Variants in ACSL4 observed in about 807,000 individuals in gnomAD.
The protein encoded by ACSL4 is acyl-CoA synthetase long chain family member 4.
In ACSL4, 9 loss-of-function variants were observed where a neutral mutation model predicts 49.1. The ratio of observed to expected loss-of-function variants is 0.18; its 90% CI spans 0.11 to 0.32. The LOEUF (loss-of-function observed/expected upper bound fraction) is 0.32. Ranked by LOEUF, ACSL4 falls within the 10% of genes least tolerant of loss-of-function variation. ACSL4 has a pLI of 1.00. For missense variants in ACSL4, 333 were observed against 493.7 expected (o/e 0.67, Z 3.08); for synonymous variants, 191 against 170.3 (o/e 1.12, Z -0.95).
At chrX:109,665,581 G>T in intron 11 of ACSL4, 87 bp from the exon 12 acceptor site, 1 of 827,589 alleles carries the variant, frequency 1.2e-6, no homozygotes, top group Non-Finnish European at 1.8e-6. Flanking sequence ...TAGAACCAGA[G>T]TCAGAAAAAT....
chrX:109,710,941 G>A (rs1380766446), intron 1 of ACSL4, among the ~76,000 whole-genome samples: 1 of 112,168 alleles, frequency 8.9e-6, no homozygotes, highest in African/African-American at 3.2e-5. Flanking sequence ...AAACTTCTGG[G>A]CTCAAGTGAT....
At chrX:109,727,378 C>T (rs778957128) in intron 1 of ACSL4, among the ~76,000 whole-genome samples, 5 of 111,789 alleles carry the variant, frequency 4.5e-5, no homozygotes, top group South Asian at 7.4e-4. Flanking sequence ...CTCTTATTAC[C>T]GCTACAGCTC....
chrX:109,678,346 C>A lies in ACSL4; in HGVS notation c.725G>T (p.Gly242Val). ...AIVMYTSGST[G>V]RPKGVMMHHS... The stretch of plus-strand genomic sequence containing the variant: ...ATGCATCATCACTCCCTTAGGTCGG[C>A]CAGTAGAACCACTAGTATACATAAC... Residue 242 changes from glycine (G) to valine (V), a missense_variant, in exon 7 of 16, where the codon GGC (glycine) becomes GTC (valine). Transcript: ENST00000672401. 1 of 1,211,512 alleles carries A rather than the reference C, an allele frequency of 8.3e-7. No individual in the cohort carries two copies. The highest frequency in any genetic ancestry group is 1.1e-6 in the Non-Finnish European group (1 of 895,379).
Position 109,642,002 on chromosome X carries a change from T to TG in ACSL4, c.*2026dup, listed in dbSNP as rs1438734809. ...TTTTAGATGGAAAATCAAGGGGTAG[T>TG]GGCATCTCCCTGGTCCCTTAACAAT... On this transcript the variant is annotated 3_prime_UTR_variant, in exon 16 of 16. Transcript: ENST00000672401. 8.9e-6 allele frequency: 1 copy of TG among 112,060 alleles called. No individual in the cohort carries two copies. The highest frequency in any genetic ancestry group is 3.2e-5 in the African/African-American group (1 of 30,805). The allele number at this position is 112,060 out of a possible 1,213,427, so 9.2% of individuals were successfully genotyped here. A position where few individuals can be genotyped will look rare whatever the true frequency, so the allele number is the denominator to read the frequency against.
At chrX:109,685,917 G>C (rs1406159202) in intron 2 of ACSL4, among the ~76,000 whole-genome samples, 2 of 111,325 alleles carry the variant, frequency 1.8e-5, no homozygotes. Context: ...GAACTTCAAA[G>C]GGCAACAACC....
At chrX:109,692,681 C>T (rs1238701214) in intron 2 of ACSL4, among the ~76,000 whole-genome samples, 2 of 111,856 alleles carry the variant, frequency 1.8e-5, no homozygotes, top group Non-Finnish European at 3.8e-5. Context: ...GTACACAAAA[C>T]CTTGCTGCTA....
chrX:109,697,292 A>G (rs2147482650), intron 1 of ACSL4, among the ~76,000 whole-genome samples: 1 of 111,937 alleles, frequency 8.9e-6, no homozygotes, highest in East Asian at 2.8e-4. Context: ...TCCATCCAGC[A>G]GTATTCACTA....
intron 2 of ACSL4, chrX:109,695,858 A>C: frequency 8.9e-6 from 1 of 111,927 alleles, no homozygotes; most frequent in Non-Finnish European, 1.9e-5. Flanking sequence ...CCAATCCCTG[A>C]CTCCAGTTTT....
intron 15 of ACSL4, among the ~76,000 whole-genome samples, chrX:109,644,515 T>C (rs189917816): frequency 7.4e-4 from 83 of 111,767 alleles, no homozygotes; most frequent in African/African-American, 2.6e-3. Flanking sequence ...CACACACACA[T>C]ACACACACAT....
intron 1 of ACSL4, among the ~76,000 whole-genome samples, chrX:109,719,320 G>A (rs1314631989): frequency 1.8e-5 from 2 of 111,213 alleles, no homozygotes; most frequent in Non-Finnish European, 3.8e-5. Context: ...CCACTAGAAT[G>A]TTCTCCAAAG....
intron 1 of ACSL4, among the ~76,000 whole-genome samples, chrX:109,712,887 G>T (rs1226192907): frequency 9.0e-6 from 1 of 110,778 alleles, no homozygotes; most frequent in African/African-American, 3.3e-5. Context: ...GATCGCTTGA[G>T]CCTGGGAGGT....
At chrX:109,656,041 A>G (rs767418795) in intron 15 of ACSL4, among the ~76,000 whole-genome samples, 3 of 111,210 alleles carry the variant, frequency 2.7e-5, no homozygotes, top group Non-Finnish European at 3.8e-5. Context: ...AAACCAGGAA[A>G]GAGACAGATA....
chrX:109,695,349 CAA>C (rs34826689), intron 2 of ACSL4, among the ~76,000 whole-genome samples: 5 of 94,511 alleles, frequency 5.3e-5, no homozygotes, highest in African/African-American at 3.9e-5. Flanking sequence ...CATCTTGGGG[CAA>C]AAAAAAAAAA....
At chrX:109,653,077 A>G (rs1921286725) in intron 15 of ACSL4, among the ~76,000 whole-genome samples, 2 of 111,847 alleles carry the variant, frequency 1.8e-5, no homozygotes, top group African/African-American at 6.5e-5. Flanking sequence ...AGAAATAGGT[A>G]TATTCATATA....
intron 1 of ACSL4, among the ~76,000 whole-genome samples, chrX:109,703,019 C>G (rs1926084791): frequency 8.9e-6 from 1 of 112,257 alleles, no homozygotes; most frequent in Admixed American, 9.5e-5. Context: ...TCAGTGAATG[C>G]TAATGCTGGT....
intron 1 of ACSL4, among the ~76,000 whole-genome samples, chrX:109,714,305 C>T (rs1452355957): frequency 8.9e-6 from 1 of 111,891 alleles, no homozygotes; most frequent in Non-Finnish European, 1.9e-5. Context: ...TACAGCTGTA[C>T]AGTGTGTTTG....
intron 1 of ACSL4, among the ~76,000 whole-genome samples, chrX:109,718,751 GAAAAAAA>G (rs1228132229): frequency 4.2e-5 from 2 of 48,083 alleles, no homozygotes; most frequent in South Asian, 9.1e-4. Flanking sequence ...CCTGTCTCAA[GAAAAAAA>G]AAAAAAAAAA....
intron 2 of ACSL4, chrX:109,691,982 C>T (rs1925071708): frequency 8.9e-6 from 1 of 112,043 alleles, no homozygotes; most frequent in Non-Finnish European, 1.9e-5. Flanking sequence ...ACAATTATGA[C>T]TGATCTTTGG....
intron 9 of ACSL4, among the ~76,000 whole-genome samples, chrX:109,671,564 C>T (rs1295044759): frequency 1.8e-5 from 2 of 112,586 alleles, no homozygotes; most frequent in African/African-American, 6.4e-5. Flanking sequence ...GTCGCCACCC[C>T]ATCTGGGAGG....
Sources: gnomAD v4.1 joint callset for allele counts (sites outside exome capture counted in the v4.1 genomes callset) on GRCh38, gnomAD v4.1.1 for gene constraint, MANE v1.5 for transcripts, NCBI Gene and HGNC (gene_info 2026-07-23, HGNC 2026-07-21) for gene names.